The following SRGAP1 variants were observed in gnomAD, a reference collection of about 807,000 sequenced individuals.
SRGAP1 encodes the protein SLIT-ROBO Rho GTPase-activating protein 1.
A neutral mutation model predicts 121.9 loss-of-function variants in SRGAP1; 43 were observed. That is an observed-to-expected ratio of 0.35 (90% CI 0.28 to 0.46). SRGAP1 has a LOEUF of 0.46. Among genes scored for constraint, SRGAP1 ranks in the 20% least tolerant of loss-of-function variants. The pLI is 1.00. For synonymous variants in SRGAP1, 447 were observed against 485.4 expected (o/e 0.92, Z 1.04); for missense variants, 1,102 against 1,350.9 (o/e 0.82, Z 2.89).
At chr12:63,918,776 T>C (rs968190337) in intron 1 of SRGAP1, among the ~76,000 whole-genome samples, 4 of 152,196 alleles carry the variant, frequency 2.6e-5, no homozygotes, top group Non-Finnish European at 5.9e-5. Context: ...ATTCATTTAT[T>C]CCATAAATAT....
At chr12:63,947,840 G>T (rs1592971078) in intron 1 of SRGAP1, among the ~76,000 whole-genome samples, 1 of 152,126 alleles carries the variant, frequency 6.6e-6, no homozygotes, top group Non-Finnish European at 1.5e-5. Context: ...TGAATAAAAA[G>T]CAGTGTGAAT....
At chr12:63,926,165 C>T (rs2031252874) in intron 1 of SRGAP1, among the ~76,000 whole-genome samples, 1 of 152,132 alleles carries the variant, frequency 6.6e-6, no homozygotes, top group Admixed American at 6.6e-5. Flanking sequence ...ATTCTTTCTT[C>T]CTCACACCAT....
At chr12:64,087,122 T>C (rs2035960920) in intron 11 of SRGAP1, 96 bp downstream of exon 11, 1 of 947,508 alleles carries the variant, frequency 1.1e-6, no homozygotes, top group Non-Finnish European at 1.6e-6. Flanking sequence ...ATTTTGTTAA[T>C]GAATACGGGA....
At chr12:64,028,361 A>G (rs539548046) in intron 4 of SRGAP1, among the ~76,000 whole-genome samples, 1 of 152,370 alleles carries the variant, frequency 6.6e-6, no homozygotes, top group African/African-American at 2.4e-5. Context: ...GGGCATGATT[A>G]AGTCTCTTTG....
chr12:63,907,903 A>C (rs1014069392), intron 1 of SRGAP1, among the ~76,000 whole-genome samples: 2 of 152,160 alleles, frequency 1.3e-5, no homozygotes, highest in Admixed American at 1.3e-4. Flanking sequence ...AGAGGTCCAT[A>C]TTCACTTTTT....
chr12:64,127,723 A>G lies in SRGAP1; in HGVS notation c.2539A>G (p.Arg847Gly). The G allele has an allele frequency of 6.2e-7, 1 of 1,613,950 alleles. No individual in the cohort carries two copies. Among genetic ancestry groups the G allele is most frequent in the Non-Finnish European group, 8.5e-7 (1 of 1,179,934 alleles). ...CCGTCATCCTGACGGCTATTTAGCC[A>G]GGTAAGTAGAGCCTGGGAATCAGGC... ...TDRHPDGYLARQRKRGEPPPP... is the reference protein window; with the variant it reads ...TDRHPDGYLAGQRKRGEPPPP... Residue 847 changes from arginine to glycine, a missense_variant and splice_region_variant, in exon 20 of 22, where the codon AGG (arginine) becomes GGG (glycine). By Grantham distance (125) the Arg-to-Gly change is moderately radical. Coordinates refer to ENST00000355086, the MANE Select transcript of SRGAP1 (RefSeq NM_020762.4).
intron 1 of SRGAP1, among the ~76,000 whole-genome samples, chr12:63,916,604 G>A (rs2030789738): frequency 6.6e-6 from 1 of 152,138 alleles, no homozygotes; most frequent in Non-Finnish European, 1.5e-5. Flanking sequence ...ACATACTGTA[G>A]GAAATGTGTG....
At chr12:64,134,584 G>T (rs1399082496) in intron 21 of SRGAP1, among the ~76,000 whole-genome samples, 4 of 152,202 alleles carry the variant, frequency 2.6e-5, no homozygotes, top group East Asian at 3.9e-4. Flanking sequence ...TAAACCAAGG[G>T]AGAGCAGGCA....
intron 1 of SRGAP1, among the ~76,000 whole-genome samples, chr12:63,971,418 C>T (rs536031750): frequency 3.9e-5 from 6 of 152,246 alleles, no homozygotes; most frequent in South Asian, 2.1e-4. Flanking sequence ...CAGATGAGTA[C>T]GTAAGCATTT....
chr12:63,979,834 CAG>C (rs1328102999), intron 1 of SRGAP1, among the ~76,000 whole-genome samples: 2 of 152,182 alleles, frequency 1.3e-5, no homozygotes, highest in African/African-American at 4.8e-5. Context: ...AATAGACTGT[CAG>C]AGAATCTAGG....
intron 1 of SRGAP1, among the ~76,000 whole-genome samples, chr12:63,848,800 G>A (rs79759027): frequency 0.039 from 5,864 of 152,156 alleles, 380 homozygotes; most frequent in African/African-American, 0.13. Context: ...AGCTTTTAAA[G>A]TTTTCAGTTG....
At chr12:63,851,612 G>A (rs1189909778) in intron 1 of SRGAP1, among the ~76,000 whole-genome samples, 1 of 145,592 alleles carries the variant, frequency 6.9e-6, no homozygotes, top group Non-Finnish European at 1.5e-5. Context: ...TTTTTAGACC[G>A]AGTCTTGCTC....
rs746436614 is a variant in SRGAP1 at position 64,087,070 on chromosome 12, T to C, written c.1436+44T>C. The C allele has an allele frequency of 2.1e-6, 3 of 1,446,820 alleles. No homozygotes were observed. In the South Asian group the frequency reaches 3.7e-5, roughly 18 times the overall value. The allele number at this position is 1,446,820 out of a possible 1,614,324, so 89.6% of individuals were successfully genotyped here. ...ATAACTTATAGCGTATTTTACTTTC[T>C]CTTTAACAAGAAGCAACCATTTCAA... is the stretch of plus-strand genomic sequence containing the variant. On this transcript the variant is annotated intron_variant, in intron 11 of 21. Transcript: ENST00000355086.
chr12:64,016,062 T>C (rs1431304836), intron 3 of SRGAP1, among the ~76,000 whole-genome samples: 1 of 152,196 alleles, frequency 6.6e-6, no homozygotes, highest in East Asian at 1.9e-4. Flanking sequence ...AGAATGATAC[T>C]CTCCACTTTT....
At chr12:64,131,839 G>T (rs1475580795) in intron 21 of SRGAP1, among the ~76,000 whole-genome samples, 1 of 152,218 alleles carries the variant, frequency 6.6e-6, no homozygotes, top group African/African-American at 2.4e-5. Flanking sequence ...CAAACGTTCA[G>T]TTTCCACCAA....
At chr12:64,135,733 C>T (rs1279984499) in intron 21 of SRGAP1, among the ~76,000 whole-genome samples, 1 of 152,188 alleles carries the variant, frequency 6.6e-6, no homozygotes, top group Non-Finnish European at 1.5e-5. Context: ...GCCCCAAAAT[C>T]AATGAAAGAA....
In SRGAP1 at chr12:64,148,691, A is replaced by T. The variant is rs1282910735; in HGVS notation, c.*6019A>T. On this transcript the variant is annotated 3_prime_UTR_variant, in exon 22 of 22. Coordinates refer to ENST00000355086, the MANE Select transcript of SRGAP1 (RefSeq NM_020762.4). ...TTGTGCAAGATTGAATATTGATAAG[A>T]TATAAAGTTTAAAAAATGACAGGCA... 6.6e-6 allele frequency: 1 copy of T among 152,248 alleles called. No individual in the cohort carries two copies. Among genetic ancestry groups the T allele is most frequent in the Non-Finnish European group, 1.5e-5 (1 of 68,034 alleles). The allele number at this position is 152,248 out of a possible 1,614,324, so 9.4% of individuals were successfully genotyped here. A position where few individuals can be genotyped will look rare whatever the true frequency, so the allele number is the denominator to read the frequency against.
intron 21 of SRGAP1, among the ~76,000 whole-genome samples, chr12:64,129,938 A>G (rs1164845663): frequency 3.9e-5 from 6 of 152,138 alleles, no homozygotes; most frequent in Non-Finnish European, 8.8e-5. Context: ...CCCATTCCGT[A>G]TTCCCTTTGC....
chr12:64,032,507 A>G lies in SRGAP1; in HGVS notation c.490-10283A>G, dbSNP rs1462753810. ...GAACTGGTTTATCCAGCAGCCAGGC[A>G]TGGAGCAGGCCTGGGCCAGCACAGA... On this transcript the variant is annotated intron_variant, in intron 4 of 21. Coordinates refer to ENST00000355086, the MANE Select transcript of SRGAP1 (RefSeq NM_020762.4). 7 of 1,184,856 alleles carry G rather than the reference A, an allele frequency of 5.9e-6. No homozygotes were observed. In the East Asian group the frequency reaches 1.7e-4, roughly 29 times the overall value. 73.4% of individuals were successfully genotyped at this position (1,184,856 alleles called of 1,614,324 possible).
Sources: allele counts gnomAD v4.1 joint callset (sites outside exome capture counted in the v4.1 genomes callset), GRCh38; gene constraint gnomAD v4.1.1; transcripts MANE v1.5; gene names NCBI Gene and HGNC (gene_info 2026-07-23, HGNC 2026-07-21).